NRK: variants seen among roughly 807,000 people sequenced by gnomAD.
NRK encodes nik-related protein kinase.
In NRK, 67 loss-of-function variants were observed where a neutral mutation model predicts 125.2. That is an observed-to-expected ratio of 0.54 (90% CI 0.44 to 0.66). NRK has a LOEUF of 0.66. Among genes scored for constraint, NRK ranks in the 30% least tolerant of loss-of-function variants. NRK has a pLI of 0.00. For missense variants in NRK, 1,224 were observed against 1,192.9 expected (o/e 1.03, Z -0.38); for synonymous variants, 458 against 429.0 (o/e 1.07, Z -0.84).
intron 6 of NRK, 52 bp from the exon 7 acceptor site, chrX:105,895,381 G>C: frequency 1.1e-6 from 1 of 936,085 alleles, no homozygotes; most frequent in Non-Finnish European, 1.5e-6. Context: ...AAGAAAGAAA[G>C]AAAGAAAGAA....
chrX:105,853,423 A>C (rs1160427285), intron 2 of NRK, among the ~76,000 whole-genome samples: 1 of 112,158 alleles, frequency 8.9e-6, no homozygotes, highest in African/African-American at 3.2e-5. Flanking sequence ...AGAACCAGGC[A>C]CTAACATGAG....
intron 23 of NRK, among the ~76,000 whole-genome samples, chrX:105,942,339 C>A (rs2040754421): frequency 8.9e-6 from 1 of 111,834 alleles, no homozygotes; most frequent in Non-Finnish European, 1.9e-5. Flanking sequence ...CACCGTTTCA[C>A]ATTGCTATCT....
At chrX:105,940,838 T>G (rs766695786) in intron 23 of NRK, among the ~76,000 whole-genome samples, 1 of 111,869 alleles carries the variant, frequency 8.9e-6, no homozygotes, top group African/African-American at 3.3e-5. Flanking sequence ...GAGAAATAGC[T>G]GGAATCACAT....
chrX:105,876,168 G>T (rs574326517), intron 2 of NRK, among the ~76,000 whole-genome samples: 1 of 110,525 alleles, frequency 9.0e-6, no homozygotes, highest in South Asian at 3.8e-4. Flanking sequence ...CAAAATTTCA[G>T]TTAGACAGAA....
chrX:105,848,865 G>T (rs1235302965), intron 2 of NRK, among the ~76,000 whole-genome samples: 3 of 112,091 alleles, frequency 2.7e-5, no homozygotes, highest in Non-Finnish European at 5.6e-5. Flanking sequence ...TTTATTAGTT[G>T]ATTTTCCAGA....
At chrX:105,900,440 C>G (rs1404682471) in intron 8 of NRK, among the ~76,000 whole-genome samples, 178 bp from the exon 9 acceptor site, 1 of 111,722 alleles carries the variant, frequency 9.0e-6, no homozygotes, top group African/African-American at 3.3e-5. Context: ...ACTGGCTGGT[C>G]AGTAGCTCAG....
intron 4 of NRK, among the ~76,000 whole-genome samples, chrX:105,886,536 ATG>A (rs754565084): frequency 4.9e-5 from 5 of 102,415 alleles, no homozygotes; most frequent in Admixed American, 1.1e-4. Flanking sequence ...GTGTGTGTGT[ATG>A]TGTGTGTGTG....
intron 1 of NRK, among the ~76,000 whole-genome samples, chrX:105,824,617 CA>C (rs59276814): frequency 0.13 from 9,762 of 75,279 alleles, 1,258 homozygotes; most frequent in African/African-American, 0.38. Context: ...TTTACTGCCA[CA>C]AAAAAAAAAA....
At position 105,906,471 on chromosome X, in the gene NRK, T is replaced by C; in HGVS notation, c.903T>C (p.Arg301=). ...GTACGATAAAAAATTTCCTGTTTCG[T>C]CCTACTTCTGCAAACATGCTTCAAC... ...EKCTIKNFLF[R]PTSANMLQHP... is the part of the protein sequence containing the mutation. Residue 301 remains arginine (R), a synonymous_variant, in exon 11 of 29, where the codon CGT becomes CGC. Coordinates refer to ENST00000243300, the MANE Select transcript of NRK (RefSeq NM_198465.4). 4 of 1,170,269 alleles carry C rather than the reference T, an allele frequency of 3.4e-6. No homozygotes were observed. In the South Asian group the frequency reaches 6.0e-5, roughly 17 times the overall value.
chrX:105,905,459 C>G, intron 10 of NRK, 116 bp downstream of exon 10: 1 of 555,583 alleles, frequency 1.8e-6, no homozygotes, highest in South Asian at 2.7e-5. Context: ...ACAATATTTC[C>G]TAAAGTCTAA....
chrX:105,909,756 G>A lies in NRK; in HGVS notation c.2115G>A (p.Arg705=), dbSNP rs1294916920. The A allele has an allele frequency of 8.5e-7, 1 of 1,182,932 alleles. No individual in the cohort carries two copies. Among genetic ancestry groups the A allele is most frequent in the South Asian group, 1.9e-5 (1 of 53,524 alleles). The part of the protein sequence containing the change: ...LAKRLSPKRF[R]AKSSWRPEKL... ...AAAGACTATCACCAAAGAGGTTCAG[G>A]GCAAAGTCATCATGGAGACCTGAAA... The change falls in exon 13 of 29, where the codon AGG becomes AGA. Residue 705 remains arginine, a synonymous_variant. Coordinates refer to ENST00000243300, the MANE Select transcript of NRK (RefSeq NM_198465.4).
intron 23 of NRK, among the ~76,000 whole-genome samples, chrX:105,940,471 C>G (rs1340226286): frequency 2.7e-5 from 3 of 110,254 alleles, no homozygotes; most frequent in Non-Finnish European, 5.7e-5. Flanking sequence ...TTCTTTGGAG[C>G]AACAGTAAGA....
At chrX:105,828,541 G>A (rs1361433330) in intron 1 of NRK, among the ~76,000 whole-genome samples, 2 of 111,805 alleles carry the variant, frequency 1.8e-5, no homozygotes, top group African/African-American at 6.5e-5. Context: ...TCTAATATAT[G>A]GTATCTTTTC....
intron 2 of NRK, 45 bp downstream of exon 2, chrX:105,831,164 C>A: frequency 1.2e-6 from 1 of 809,593 alleles, no homozygotes; most frequent in Non-Finnish European, 1.8e-6. Context: ...TTTCTAATGA[C>A]AACAAAGATT....
intron 2 of NRK, among the ~76,000 whole-genome samples, chrX:105,851,134 C>A (rs1211232011): frequency 8.9e-6 from 1 of 112,154 alleles, no homozygotes; most frequent in East Asian, 2.8e-4. Context: ...CCTGGTCTTG[C>A]TGCCTTCTGA....
At position 105,869,763 on chromosome X, in the gene NRK, A is replaced by G. The variant is rs764746253; in HGVS notation, c.124-10436A>G. On this transcript the variant is annotated intron_variant, in intron 2 of 28. Coordinates refer to ENST00000243300, the MANE Select transcript of NRK (RefSeq NM_198465.4). ...TTCTTTTGGTTGAACCCCTCTTCTC[A>G]GTCATCACCCATCTGTCTCAGTGCT... is the stretch of plus-strand genomic sequence containing the variant. 1.6e-4 allele frequency among the ~76,000 whole-genome samples: 18 copies of G among 109,333 alleles called. No individual in the cohort carries two copies. The South Asian group carries it at 6.7e-3, about 41-fold the overall frequency. 94.9% of individuals were successfully genotyped at this position (109,333 alleles called of 115,157 possible).
At chrX:105,842,013 G>T (rs1429374528) in intron 2 of NRK, among the ~76,000 whole-genome samples, 1 of 111,019 alleles carries the variant, frequency 9.0e-6, no homozygotes, top group Non-Finnish European at 1.9e-5. Flanking sequence ...ACCAAAATTT[G>T]CTTGGCCCGA....
chrX:105,949,454 G>A, intron 26 of NRK, 121 bp from the exon 27 acceptor site: 1 of 435,733 alleles, frequency 2.3e-6, no homozygotes, highest in Non-Finnish European at 4.0e-6. Flanking sequence ...GGAAATAGAG[G>A]TTTCTCTTCC....
chrX:105,878,509 G>A (rs1198081788), intron 2 of NRK, among the ~76,000 whole-genome samples: 3 of 111,418 alleles, frequency 2.7e-5, no homozygotes, highest in Non-Finnish European at 5.7e-5. Context: ...TGATAAAAGA[G>A]AAAATTGTTT....
Sources: gnomAD v4.1 joint callset for allele counts (sites outside exome capture counted in the v4.1 genomes callset) on GRCh38, gnomAD v4.1.1 for gene constraint, MANE v1.5 for transcripts, NCBI Gene and HGNC (gene_info 2026-07-23, HGNC 2026-07-21) for gene names.